XDH: variants seen among roughly 807,000 people sequenced by gnomAD.
XDH encodes xanthine dehydrogenase.
A neutral mutation model predicts 156.1 loss-of-function variants in XDH; 138 were observed. The observed-to-expected ratio is 0.88, with a 90% CI of 0.77 to 1.02. The LOEUF (loss-of-function observed/expected upper bound fraction) is 1.02. XDH is among the 50% of genes least tolerant of loss of function. XDH has a pLI of 0.00. For synonymous variants in XDH, 669 were observed against 625.7 expected (o/e 1.07, Z -1.03); for missense variants, 1,849 against 1,684.9 (o/e 1.10, Z -1.71).
chr2:31,368,710 A>G, intron 18 of XDH, 50 bp from the exon 19 acceptor site: 1 of 1,614,138 alleles, frequency 6.2e-7, no homozygotes, highest in Middle Eastern at 1.7e-4. Context: ...TCATGGTGAA[A>G]CAAATTATTT....
chr2:31,349,878 G>A (rs369135456), intron 25 of XDH, 47 bp from the exon 26 acceptor site: 5 of 1,612,514 alleles, frequency 3.1e-6, no homozygotes, highest in Non-Finnish European at 4.2e-6. Context: ...GCAAGAGACT[G>A]TGGGGGCAGG....
intron 20 of XDH, 128 bp from the exon 21 acceptor site, chr2:31,367,122 A>C: frequency 6.7e-7 from 1 of 1,485,068 alleles, no homozygotes; most frequent in Non-Finnish European, 9.2e-7. Context: ...GGTAACCTCA[A>C]GGTTTCCCAC....
At position 31,372,490 on chromosome 2, in the gene XDH, C is replaced by G. The variant is rs2148772486; in HGVS notation, c.1687-93G>C. The G allele has an allele frequency of 2.6e-6, 4 of 1,541,176 alleles. No individual in the cohort carries two copies. The South Asian group carries it at 4.5e-5, about 17-fold the overall frequency. On this transcript the variant is annotated intron_variant, in intron 16 of 35. Coordinates refer to ENST00000379416, the MANE Select transcript of XDH (RefSeq NM_000379.4). ...CACTGGTGAGCTTCATGCTACATGG[C>G]AAAGGACACCAAGGGGTAAGAATAA...
Position 31,335,414 on chromosome 2 carries a change from C to A in XDH, c.*544G>T. 6.0e-6 allele frequency: 1 copy of A among 165,546 alleles called. No homozygotes were observed. Among genetic ancestry groups the A allele is most frequent in the Admixed American group, 5.6e-5 (1 of 17,966 alleles). 10.3% of individuals were successfully genotyped at this position (165,546 alleles called of 1,614,324 possible). On this transcript the variant is annotated 3_prime_UTR_variant, in exon 36 of 36. Coordinates refer to ENST00000379416, the MANE Select transcript of XDH (RefSeq NM_000379.4). ...CAATTAACCTTGAATTTGTTTCATT[C>A]TTTATTCTTTCCAATGATTCAAAGA...
chr2:31,407,109 A>C (rs1019958131), intron 1 of XDH, among the ~76,000 whole-genome samples: 1 of 152,210 alleles, frequency 6.6e-6, no homozygotes, highest in Admixed American at 6.5e-5. Context: ...AGGGAACTAT[A>C]CTACCCACAC....
At chr2:31,363,251 C>T (rs1409822027) in intron 24 of XDH, among the ~76,000 whole-genome samples, 1 of 152,200 alleles carries the variant, frequency 6.6e-6, no homozygotes, top group Non-Finnish European at 1.5e-5. Flanking sequence ...GCAGAGGTTG[C>T]AGTGAGCCAA....
intron 9 of XDH, among the ~76,000 whole-genome samples, chr2:31,384,679 C>T (rs528551): frequency 5.3e-5 from 8 of 152,160 alleles, no homozygotes; most frequent in East Asian, 1.9e-4. Flanking sequence ...CTTTGCCCCC[C>T]CTTCCCCCCA....
chr2:31,365,423 C>T (rs1423859681), intron 23 of XDH, 34 bp downstream of exon 23: 5 of 1,612,454 alleles, frequency 3.1e-6, no homozygotes, highest in Non-Finnish European at 2.5e-6. Context: ...CAAAATGGCT[C>T]ATCCCGCCCC....
In XDH at chr2:31,365,620, C is replaced by A. The variant is rs1024128270; in HGVS notation, c.2457-76G>T. The A allele has an allele frequency of 7.0e-6, 11 of 1,562,532 alleles. No homozygotes were observed. In the African/African-American group the frequency reaches 1.5e-4, roughly 21 times the overall value. On this transcript the variant is annotated intron_variant, in intron 22 of 35. Transcript: ENST00000379416. ...AGCCCTGCAAGTCTCAGAATAAAAA[C>A]AGCCGGGAAGCCATCTTTTCCACCT...
At chr2:31,375,284 A>C in intron 15 of XDH, 96 bp downstream of exon 15, 1 of 1,468,636 alleles carries the variant, frequency 6.8e-7, no homozygotes, top group South Asian at 1.1e-5. Context: ...CTGCCCTCAG[A>C]TGTCCAGAGG....
At chr2:31,365,399 C>G (rs981033085) in intron 23 of XDH, 58 bp downstream of exon 23, 120 of 1,593,546 alleles carry the variant, frequency 7.5e-5, no homozygotes, top group Non-Finnish European at 9.7e-5. Context: ...GACATTCGGT[C>G]CCAGCTTTCC....
chr2:31,346,496 A>C (rs1314467715), intron 30 of XDH, among the ~76,000 whole-genome samples: 4 of 152,130 alleles, frequency 2.6e-5, no homozygotes, highest in Non-Finnish European at 5.9e-5. Context: ...TCTCAGGCTC[A>C]GGCAAAGAAA....
intron 5 of XDH, 124 bp from the exon 6 acceptor site, chr2:31,397,853 T>C (rs1686952040): frequency 9.2e-7 from 1 of 1,092,610 alleles, no homozygotes; most frequent in Non-Finnish European, 1.4e-6. Context: ...GTTACCTCTG[T>C]CTGGAAGGCC....
At chr2:31,379,153 T>A (rs571423323) in intron 13 of XDH, among the ~76,000 whole-genome samples, 2 of 152,114 alleles carry the variant, frequency 1.3e-5, no homozygotes, top group African/African-American at 4.8e-5. Context: ...TGGTAGCTGC[T>A]AAGGGAGGAA....
chr2:31,378,103 A>AAGGAAGGAAGGAAGG (rs1686308161), intron 13 of XDH, among the ~76,000 whole-genome samples: 1 of 51,804 alleles, frequency 1.9e-5, no homozygotes, highest in African/African-American at 8.5e-5. Context: ...AGAAAGAAAG[A>AAGGAAGGAAGGAAGG]AAGAAAGGAA....
intron 24 of XDH, among the ~76,000 whole-genome samples, chr2:31,359,012 AG>A (rs1285685909): frequency 2.6e-5 from 4 of 152,184 alleles, no homozygotes; most frequent in Admixed American, 2.6e-4. Context: ...GAAAATCCCA[AG>A]GAATCTACAG....
chr2:31,399,283 G>C (rs1686992826), intron 4 of XDH, among the ~76,000 whole-genome samples: 1 of 152,166 alleles, frequency 6.6e-6, no homozygotes, highest in African/African-American at 2.4e-5. Context: ...CTTCTGAGGG[G>C]AGGTCAAAGC....
intron 27 of XDH, 37 bp from the exon 28 acceptor site, chr2:31,348,400 T>G: frequency 1.2e-6 from 2 of 1,600,066 alleles, no homozygotes; most frequent in Admixed American, 1.7e-5. Context: ...CAAAATTCAG[T>G]AAAATCCAAC....
intron 24 of XDH, among the ~76,000 whole-genome samples, chr2:31,351,369 A>G (rs1187476811): frequency 6.6e-6 from 1 of 152,044 alleles, no homozygotes; most frequent in African/African-American, 2.4e-5. Flanking sequence ...ATCTGCTCCT[A>G]ATATATTTTC....
Sources: gnomAD v4.1 joint callset for allele counts (sites outside exome capture counted in the v4.1 genomes callset) on GRCh38, gnomAD v4.1.1 for gene constraint, MANE v1.5 for transcripts, NCBI Gene and HGNC (gene_info 2026-07-23, HGNC 2026-07-21) for gene names.